The following SLC7A11 variants were observed in gnomAD, a reference collection of about 807,000 sequenced individuals.
SLC7A11 encodes solute carrier family 7 member 11.
In SLC7A11, 35 loss-of-function variants were observed where a neutral mutation model predicts 54.5. The observed-to-expected ratio is 0.64, with a 90% CI of 0.49 to 0.85. The LOEUF (loss-of-function observed/expected upper bound fraction) is 0.85, where lower values mean the gene tolerates loss of function less well. Among genes scored for constraint, SLC7A11 ranks in the 40% least tolerant of loss-of-function variants. The pLI is 0.00. For synonymous variants in SLC7A11, 230 were observed against 225.2 expected (o/e 1.02, Z -0.19); for missense variants, 583 against 618.1 (o/e 0.94, Z 0.60).
rs1347662520 is a variant in SLC7A11, at chr4:138,180,676, G to A, written c.1231C>T (p.Arg411Ter). 1.9e-6 allele frequency: 3 copies of A among 1,612,870 alleles called. No homozygotes were observed. The highest frequency in any genetic ancestry group is 2.5e-6 in the Non-Finnish European group (3 of 1,179,360). ...GLAVAGLIYL[R>*]YKCPDMHRPF... ...CGATGCATATCTGGGCATTTGTATC[G>A]AAGATAAATCAGCCCAGCAACTGCC... is the stretch of plus-strand genomic sequence containing the variant. Residue 411 changes from arginine (R) to a stop codon, truncating the protein, a stop_gained, in exon 10 of 12, where the codon CGA (arginine) becomes TGA (stop). Transcript: ENST00000280612. LOFTEE classifies it high-confidence loss of function.
intron 6 of SLC7A11, among the ~76,000 whole-genome samples, chr4:138,209,384 C>T (rs1737486489): frequency 6.6e-6 from 1 of 151,906 alleles, no homozygotes; most frequent in African/African-American, 2.4e-5. Context: ...ATTATTCTCC[C>T]TTGTAACTAA....
intron 3 of SLC7A11, among the ~76,000 whole-genome samples, chr4:138,225,592 G>A (rs1346795705): frequency 6.6e-6 from 1 of 152,084 alleles, no homozygotes; most frequent in Non-Finnish European, 1.5e-5. Flanking sequence ...AAATAAGTTA[G>A]TGTAACTCTG....
At chr4:138,231,998 T>C (rs1032172172) in intron 3 of SLC7A11, among the ~76,000 whole-genome samples, 2 of 152,222 alleles carry the variant, frequency 1.3e-5, no homozygotes, top group Non-Finnish European at 2.9e-5. Flanking sequence ...AAAAGTCTTG[T>C]TCATGTATAA....
chr4:138,180,842 A>T, intron 9 of SLC7A11, 52 bp from the exon 10 acceptor site: 1 of 1,544,136 alleles, frequency 6.5e-7, no homozygotes, highest in Non-Finnish European at 8.8e-7. Flanking sequence ...AACACAGATG[A>T]TTAACAACAA....
chr4:138,222,533 C>G (rs1737838162), intron 4 of SLC7A11, among the ~76,000 whole-genome samples: 1 of 152,186 alleles, frequency 6.6e-6, no homozygotes. Flanking sequence ...CTGCATGTGC[C>G]TTCTTTCCTA....
At chr4:138,226,254 A>G (rs1289925526) in intron 3 of SLC7A11, among the ~76,000 whole-genome samples, 2 of 152,094 alleles carry the variant, frequency 1.3e-5, no homozygotes. Flanking sequence ...GTCTCAAAAA[A>G]CTAAAAATAA....
At chr4:138,230,239 A>C (rs2148451591) in intron 3 of SLC7A11, among the ~76,000 whole-genome samples, 1 of 152,156 alleles carries the variant, frequency 6.6e-6, no homozygotes, top group Middle Eastern at 3.4e-3. Context: ...AAGGGGAACT[A>C]CAGACACTGG....
rs7697170 is a variant in SLC7A11 at position 138,179,776 on chromosome 4, G to A, written c.1267-382C>T. On this transcript the variant is annotated intron_variant, in intron 10 of 11. Transcript: ENST00000280612. ...AATTATGATTAGAACCCACTTTAATGTGGAGTCAAGAGCACCGGCTGCTTG... is the reference window on the plus strand; with the variant it reads ...AATTATGATTAGAACCCACTTTAATATGGAGTCAAGAGCACCGGCTGCTTG... Among the ~76,000 whole-genome samples, 1,261 of 152,210 alleles carry A rather than the reference G, an allele frequency of 8.3e-3. 19 individuals carry two copies. The highest frequency in any genetic ancestry group is 0.029 in the African/African-American group (1,207 of 41,542).
At chr4:138,225,167 T>A (rs1578666686) in intron 3 of SLC7A11, among the ~76,000 whole-genome samples, 1 of 133,974 alleles carries the variant, frequency 7.5e-6, no homozygotes, top group Non-Finnish European at 1.6e-5. Flanking sequence ...TATATATATA[T>A]ATATAAATAA....
chr4:138,228,379 T>C (rs1737992548), intron 3 of SLC7A11, among the ~76,000 whole-genome samples: 1 of 152,116 alleles, frequency 6.6e-6, no homozygotes, highest in South Asian at 2.1e-4. Context: ...ACAGAACAGA[T>C]AAATATTTTA....
intron 6 of SLC7A11, among the ~76,000 whole-genome samples, chr4:138,186,270 C>A (rs533327521): frequency 6.6e-6 from 1 of 152,118 alleles, no homozygotes; most frequent in East Asian, 1.9e-4. Context: ...TCAGCCCTCA[C>A]GGAGCCTTCA....
At position 138,242,340 on chromosome 4, in the gene SLC7A11, A is replaced by G. The variant is rs1738403738; in HGVS notation, c.-271T>C. ...CTGCTGCTGCTGCTGCCGCCCTATC[A>G]TTACAAACCAGCTCAGCTTCCTCAT... On this transcript the variant is annotated 5_prime_UTR_variant, in exon 1 of 12. An upstream start codon of the reference 5' UTR is lost. Coordinates refer to ENST00000280612, the MANE Select transcript of SLC7A11 (RefSeq NM_014331.4). 3 of 487,602 alleles carry G rather than the reference A, an allele frequency of 6.2e-6. No homozygotes were observed. Among genetic ancestry groups the G allele is most frequent in the Non-Finnish European group, 7.5e-6 (2 of 268,352 alleles). The allele number at this position is 487,602 out of a possible 1,614,324, so 30.2% of individuals were successfully genotyped here. A position where few individuals can be genotyped will look rare whatever the true frequency, so the allele number is the denominator to read the frequency against.
chr4:138,165,827 C>T lies in SLC7A11; in HGVS notation c.*6129G>A, dbSNP rs549874761. 6.6e-6 allele frequency: 1 copy of T among 152,166 alleles called. No homozygotes were observed. Among genetic ancestry groups the T allele is most frequent in the East Asian group, 1.9e-4 (1 of 5,166 alleles). 9.4% of individuals were successfully genotyped at this position (152,166 alleles called of 1,614,324 possible). ...ATTTGATTTATACCAGTAGTAATAA[C>T]ATTCATAAGGAAAAACTATTAGGTA... On this transcript the variant is annotated 3_prime_UTR_variant, in exon 12 of 12. Transcript: ENST00000280612.
At position 138,165,972 on chromosome 4, in the gene SLC7A11, T is replaced by G. The variant is rs995619462; in HGVS notation, c.*5984A>C. The G allele has an allele frequency of 2.0e-5, 3 of 152,186 alleles. No homozygotes were observed. Among genetic ancestry groups the G allele is most frequent in the African/African-American group, 7.2e-5 (3 of 41,458 alleles). The allele number at this position is 152,186 out of a possible 1,614,324, so 9.4% of individuals were successfully genotyped here. ...TCTTTCAGAGCAATAAGAAAGTTAT[T>G]TGGGGTAGTACTTGAAATAATTCAT... On this transcript the variant is annotated 3_prime_UTR_variant, in exon 12 of 12. Coordinates refer to ENST00000280612, the MANE Select transcript of SLC7A11 (RefSeq NM_014331.4).
rs952142831 is a variant in SLC7A11 at position 138,169,433 on chromosome 4, G to A, written c.*2523C>T. ...TTACTGGCTGACTTTTTTTCTGCGT[G>A]AAATGGCATTACAATGGCAGGGAAA... is the stretch of plus-strand genomic sequence containing the variant. On this transcript the variant is annotated 3_prime_UTR_variant, in exon 12 of 12. Coordinates refer to ENST00000280612, the MANE Select transcript of SLC7A11 (RefSeq NM_014331.4). 5 of 151,956 alleles carry A rather than the reference G, an allele frequency of 3.3e-5. No homozygotes were observed. Among genetic ancestry groups the A allele is most frequent in the African/African-American group, 1.2e-4 (5 of 41,388 alleles). 9.4% of individuals were successfully genotyped at this position (151,956 alleles called of 1,614,324 possible).
At chr4:138,223,093 C>T (rs1737854963) in intron 4 of SLC7A11, 106 bp downstream of exon 4, 1 of 993,564 alleles carries the variant, frequency 1.0e-6, no homozygotes, top group Middle Eastern at 3.1e-4. Context: ...TTAAGTTCCA[C>T]AGGCAGAGAC....
At chr4:138,176,708 T>G (rs929353397) in intron 11 of SLC7A11, 11 of 152,168 alleles carry the variant, frequency 7.2e-5, no homozygotes, top group African/African-American at 2.7e-4. Context: ...CCACCAGCTC[T>G]TTCTTCCTCA....
chr4:138,225,965 T>C (rs1578667337), intron 3 of SLC7A11, among the ~76,000 whole-genome samples: 1 of 152,198 alleles, frequency 6.6e-6, no homozygotes, highest in East Asian at 1.9e-4. Flanking sequence ...CAACTAACTA[T>C]ATGTTTGAAA....
chr4:138,218,772 T>C (rs1737737766), intron 5 of SLC7A11, among the ~76,000 whole-genome samples: 2 of 152,212 alleles, frequency 1.3e-5, no homozygotes, highest in African/African-American at 4.8e-5. Context: ...GGTTTCTCTT[T>C]CTCTGCCTTT....
Sources: gnomAD v4.1 joint callset for allele counts (sites outside exome capture counted in the v4.1 genomes callset) on GRCh38, gnomAD v4.1.1 for gene constraint, MANE v1.5 for transcripts, NCBI Gene and HGNC (gene_info 2026-07-23, HGNC 2026-07-21) for gene names.